ZNF678: variants seen among roughly 807,000 people sequenced by gnomAD.
ZNF678 encodes the protein zinc finger protein 678.
Under a neutral mutation model 3.0 loss-of-function variants are expected in ZNF678, and 5 were observed. That is an observed-to-expected ratio of 1.69 (90% CI 0.88 to 3.56). ZNF678 has a LOEUF of 3.56. ZNF678 is among the 30% of genes most tolerant of loss of function. The pLI is 0.00. For missense variants in ZNF678, 593 were observed against 605.0 expected, an observed-to-expected ratio of 0.98 and a Z score of 0.21; for synonymous variants, 218 against 199.6, an observed-to-expected ratio of 1.09 and a Z score of -0.78.
chr1:227,647,852 A>G (rs1277281294), intron 2 of ZNF678, among the ~76,000 whole-genome samples: 4 of 152,174 alleles, frequency 2.6e-5, no homozygotes, highest in Admixed American at 6.5e-5. Context: ...TATTTTACAC[A>G]ATTTAATTCT....
At chr1:227,572,114 T>C (rs1656860954) in intron 1 of ZNF678, among the ~76,000 whole-genome samples, 1 of 152,264 alleles carries the variant, frequency 6.6e-6, no homozygotes, top group Admixed American at 6.5e-5. Flanking sequence ...TGTAGACAAC[T>C]ATGCTCATAT....
At chr1:227,573,876 A>G (rs1177676802) in intron 1 of ZNF678, among the ~76,000 whole-genome samples, 2 of 152,096 alleles carry the variant, frequency 1.3e-5, no homozygotes, top group African/African-American at 4.8e-5. Flanking sequence ...CCATGTGTCC[A>G]TGTGTTCTCA....
intron 1 of ZNF678, among the ~76,000 whole-genome samples, chr1:227,586,375 A>G (rs1657264036): frequency 6.6e-6 from 1 of 152,166 alleles, no homozygotes; most frequent in South Asian, 2.1e-4. Flanking sequence ...CCTAAAGAAA[A>G]ATGAACAAAA....
chr1:227,670,535 GC>G (rs1258204638), intron 5 of ZNF678, among the ~76,000 whole-genome samples: 1 of 152,162 alleles, frequency 6.6e-6, no homozygotes, highest in Non-Finnish European at 1.5e-5. Context: ...CTGGCTGAGG[GC>G]TTTTTGCCTC....
rs1051881969 is a variant in ZNF678 at position 227,655,218 on chromosome 1, G to A, written c.968G>A (p.Cys323Tyr). The A allele has an allele frequency of 1.2e-6, 2 of 1,612,576 alleles. No homozygotes were observed. The highest frequency in any genetic ancestry group is 1.1e-5 in the South Asian group (1 of 91,006). The change falls in exon 4 of 4, where the codon TGT becomes TAT. Residue 323 changes from cysteine (C) to tyrosine (Y), a missense_variant. By Grantham distance (194) the Cys-to-Tyr change is radical (BLOSUM62 -2). Coordinates refer to ENST00000343776, the MANE Select transcript of ZNF678 (RefSeq NM_001367909.1). ...RIHTGEKPYQ[C>Y]EECGKTFNRC... is the part of the protein sequence containing the mutation. ...CATACTGGAGAAAAACCCTACCAAT[G>A]TGAAGAATGTGGCAAAACTTTTAAT...
chr1:227,577,446 T>C (rs1657014632), intron 1 of ZNF678, among the ~76,000 whole-genome samples: 1 of 152,262 alleles, frequency 6.6e-6, no homozygotes, highest in African/African-American at 2.4e-5. Context: ...GTATTTAGGA[T>C]AGTTAGATAT....
At chr1:227,647,364 AT>A (rs1275637571) in intron 2 of ZNF678, among the ~76,000 whole-genome samples, 3 of 152,072 alleles carry the variant, frequency 2.0e-5, no homozygotes, top group Admixed American at 1.3e-4. Flanking sequence ...CCTTCTAAAA[AT>A]TTTTTTTCCT....
intron 1 of ZNF678, among the ~76,000 whole-genome samples, chr1:227,634,534 A>T (rs550124330): frequency 6.6e-6 from 1 of 152,256 alleles, no homozygotes; most frequent in African/African-American, 2.4e-5. Flanking sequence ...CATTAACCAC[A>T]AGCTGATTGA....
At chr1:227,646,328 A>G (rs1658954096) in intron 1 of ZNF678, among the ~76,000 whole-genome samples, 1 of 152,026 alleles carries the variant, frequency 6.6e-6, no homozygotes, top group Admixed American at 6.6e-5. Context: ...TACAACACTT[A>G]TAAAAATATA....
At chr1:227,594,704 C>T (rs1404272872) in intron 1 of ZNF678, among the ~76,000 whole-genome samples, 1 of 152,210 alleles carries the variant, frequency 6.6e-6, no homozygotes, top group Admixed American at 6.5e-5. Context: ...ACATTTTCCT[C>T]TTTCACGACT....
downstream of ZNF678, among the ~76,000 whole-genome samples, chr1:227,666,642 A>T (rs138852234): frequency 1.0e-3 from 152 of 151,766 alleles, no homozygotes; most frequent in African/African-American, 3.6e-3. Flanking sequence ...CTGCAGTTCG[A>T]CAGGGGATAT....
intron 2 of ZNF678, among the ~76,000 whole-genome samples, chr1:227,648,220 A>T (rs569054328): frequency 3.9e-5 from 6 of 152,186 alleles, no homozygotes; most frequent in Non-Finnish European, 7.4e-5. Context: ...TGCTGAGCGT[A>T]TATTAAACTC....
intron 1 of ZNF678, among the ~76,000 whole-genome samples, chr1:227,572,399 G>T (rs529225140): frequency 6.6e-6 from 1 of 152,248 alleles, no homozygotes; most frequent in African/African-American, 2.4e-5. Flanking sequence ...CTGTTCTGCT[G>T]TCAGATTGGG....
chr1:227,588,400 A>G (rs1315326576), intron 1 of ZNF678, among the ~76,000 whole-genome samples: 1 of 152,106 alleles, frequency 6.6e-6, no homozygotes, highest in Non-Finnish European at 1.5e-5. Context: ...TCTTTGAGGA[A>G]TCGCCACACT....
chr1:227,655,552 A>G lies in ZNF678; in HGVS notation c.1302A>G (p.Lys434=), dbSNP rs752177757. The G allele has an allele frequency of 6.2e-7, 1 of 1,612,590 alleles. No individual in the cohort carries two copies. Among genetic ancestry groups the G allele is most frequent in the South Asian group, 1.1e-5 (1 of 91,048 alleles). The change falls in exon 4 of 4, where the codon AAA becomes AAG. Residue 434 remains lysine, a synonymous_variant. Coordinates refer to ENST00000343776, the MANE Select transcript of ZNF678 (RefSeq NM_001367909.1). The part of the protein sequence containing the change: ...KRIHTGEKPY[K]CKECGKAFYQ... ...TTCATACTGGAGAGAAACCCTACAA[A>G]TGTAAAGAATGTGGCAAAGCTTTTT...
chr1:227,588,444 A>G (rs1030344978), intron 1 of ZNF678, among the ~76,000 whole-genome samples: 11 of 151,284 alleles, frequency 7.3e-5, no homozygotes, highest in Admixed American at 1.3e-4. Context: ...TTACACTCCC[A>G]CCAACAGTGT....
chr1:227,677,985 G>A (rs1659712125), downstream of ZNF678, among the ~76,000 whole-genome samples: 1 of 152,198 alleles, frequency 6.6e-6, no homozygotes, highest in Admixed American at 6.5e-5. Context: ...ATATGCATTA[G>A]GGGCAGAAAT....
chr1:227,623,786 C>A (rs1033054218), intron 1 of ZNF678, among the ~76,000 whole-genome samples: 3 of 151,990 alleles, frequency 2.0e-5, no homozygotes, highest in African/African-American at 4.8e-5. Context: ...TACTTTTTAT[C>A]CAGTTTATAA....
intron 1 of ZNF678, among the ~76,000 whole-genome samples, chr1:227,626,255 A>C (rs1658412516): frequency 6.6e-6 from 1 of 152,206 alleles, no homozygotes; most frequent in Admixed American, 6.5e-5. Flanking sequence ...AGTTCACAGG[A>C]ATAACTAGTG....
Sources: gnomAD v4.1 joint callset for allele counts (sites outside exome capture counted in the v4.1 genomes callset) on GRCh38, gnomAD v4.1.1 for gene constraint, MANE v1.5 for transcripts, NCBI Gene and HGNC (gene_info 2026-07-23, HGNC 2026-07-21) for gene names.